SLIT2: variants seen among roughly 807,000 people sequenced by gnomAD.
The protein encoded by SLIT2 is slit homolog 2 protein.
Under a neutral mutation model 185.7 loss-of-function variants are expected in SLIT2, and 41 were observed. The ratio of observed to expected loss-of-function variants is 0.22; its 90% CI spans 0.17 to 0.29. SLIT2 has a LOEUF of 0.29. SLIT2 is among the 10% of genes least tolerant of loss of function. The probability of loss-of-function intolerance (pLI) is 1.00; values close to 1 mark genes in which losing one functional copy is unlikely to be tolerated. For synonymous variants in SLIT2, 693 were observed against 680.2 expected, an observed-to-expected ratio of 1.02 and a Z score of -0.29; for missense variants, 1,571 against 1,909.0, an observed-to-expected ratio of 0.82 and a Z score of 3.30.
intron 4 of SLIT2, among the ~76,000 whole-genome samples, chr4:20,292,942 C>T (rs894754763): frequency 2.6e-5 from 4 of 152,074 alleles, no homozygotes; most frequent in African/African-American, 7.2e-5. Context: ...CCCACAGGAC[C>T]GTAGAGCAAA....
chr4:20,283,467 A>G (rs2039519192), intron 4 of SLIT2, among the ~76,000 whole-genome samples: 1 of 152,220 alleles, frequency 6.6e-6, no homozygotes, highest in Non-Finnish European at 1.5e-5. Context: ...TTAGAAGACA[A>G]AATAACTTAG....
chr4:20,349,541 G>A (rs1447078141), intron 4 of SLIT2, among the ~76,000 whole-genome samples: 2 of 152,108 alleles, frequency 1.3e-5, no homozygotes, highest in African/African-American at 4.8e-5. Flanking sequence ...TGAGCTCCAC[G>A]TTTCCTGAAA....
At chr4:20,357,789 C>A (rs1722445427) in intron 4 of SLIT2, among the ~76,000 whole-genome samples, 1 of 152,074 alleles carries the variant, frequency 6.6e-6, no homozygotes, top group African/African-American at 2.4e-5. Flanking sequence ...CTTTCAAATT[C>A]CGATTTTCAG....
chr4:20,605,411 T>C (rs1019677294), intron 33 of SLIT2, among the ~76,000 whole-genome samples: 23 of 152,178 alleles, frequency 1.5e-4, no homozygotes, highest in African/African-American at 5.1e-4. Context: ...AGGAAATAGG[T>C]GAGCGTAGTA....
chr4:20,328,032 G>A (rs1281390887), intron 4 of SLIT2, among the ~76,000 whole-genome samples: 1 of 152,002 alleles, frequency 6.6e-6, no homozygotes, highest in African/African-American at 2.4e-5. Context: ...CAGGACTCCT[G>A]AGAATGCAGT....
At chr4:20,301,012 T>C (rs1330528988) in intron 4 of SLIT2, among the ~76,000 whole-genome samples, 1 of 152,112 alleles carries the variant, frequency 6.6e-6, no homozygotes, top group Admixed American at 6.6e-5. Context: ...TGCCTTATGC[T>C]AAAGACTTCA....
intron 4 of SLIT2, among the ~76,000 whole-genome samples, chr4:20,408,408 A>G (rs920144287): frequency 4.6e-5 from 7 of 152,016 alleles, no homozygotes; most frequent in Non-Finnish European, 1.0e-4. Context: ...TTTGAACCCT[A>G]GGATTTTGCA....
In SLIT2 at chr4:20,528,844, C is replaced by T; in HGVS notation, c.1463-105C>T. 1.0e-5 allele frequency: 9 copies of T among 859,672 alleles called. No individual in the cohort carries two copies. Among genetic ancestry groups the T allele is most frequent in the South Asian group, 4.7e-5 (2 of 42,918 alleles). The allele number at this position is 859,672 out of a possible 1,614,324, so 53.3% of individuals were successfully genotyped here. On this transcript the variant is annotated intron_variant, in intron 15 of 36. Coordinates refer to ENST00000504154, the MANE Select transcript of SLIT2 (RefSeq NM_004787.4). This position sits in a 1 kb window ranked among gnomAD's most constrained non-coding sequence, Gnocchi z 4.2. ...TTGACCAAAATACCCCAAGTTGTCT[C>T]CCTGCTACATAATCTATAGTTATCT...
chr4:20,507,155 C>T (rs1343064115), intron 9 of SLIT2, among the ~76,000 whole-genome samples: 2 of 151,802 alleles, frequency 1.3e-5, no homozygotes, highest in Admixed American at 6.6e-5. Context: ...AAATATAATG[C>T]CATTTTATCA....
intron 29 of SLIT2, among the ~76,000 whole-genome samples, chr4:20,575,654 T>C (rs769211977): frequency 7.9e-5 from 12 of 152,152 alleles, no homozygotes; most frequent in Non-Finnish European, 1.5e-4. Context: ...CACAATAGCT[T>C]ATTTCTCATT....
At chr4:20,613,660 G>A (rs1729417078) in intron 34 of SLIT2, among the ~76,000 whole-genome samples, 2 of 151,902 alleles carry the variant, frequency 1.3e-5, no homozygotes, top group Non-Finnish European at 2.9e-5. Context: ...CTGTTGGTGG[G>A]GAGTGTAACC....
intron 4 of SLIT2, among the ~76,000 whole-genome samples, chr4:20,381,523 C>G (rs1269673943): frequency 6.6e-6 from 1 of 152,096 alleles, no homozygotes; most frequent in Admixed American, 6.5e-5. Flanking sequence ...TTTTTCATGT[C>G]TTCTCTGTTC....
chr4:20,477,314 G>A (rs1376292584), intron 5 of SLIT2, among the ~76,000 whole-genome samples: 8 of 151,738 alleles, frequency 5.3e-5, no homozygotes, highest in Non-Finnish European at 8.8e-5. Context: ...CAATTATCCT[G>A]CCTCCTCCCA....
rs188470229 is a variant in SLIT2, at chr4:20,460,155, G to T, written c.396-7597G>T. Among the ~76,000 whole-genome samples, 11 of 151,974 alleles carry T rather than the reference G, an allele frequency of 7.2e-5. No homozygotes were observed. In the South Asian group the frequency reaches 1.2e-3, roughly 17 times the overall value. On this transcript the variant is annotated intron_variant, in intron 4 of 36. Transcript: ENST00000504154. ...TGAGATTACAGGCATGAGCCACTGC[G>T]CCTGGCCATAAATATTTTTTCTTTT...
intron 4 of SLIT2, among the ~76,000 whole-genome samples, chr4:20,321,902 G>A (rs562683222): frequency 9.9e-5 from 15 of 152,238 alleles, no homozygotes; most frequent in African/African-American, 1.9e-4. Context: ...CTTTGGGACC[G>A]GTAGTGTGAA....
At chr4:20,406,470 A>G (rs906555866) in intron 4 of SLIT2, among the ~76,000 whole-genome samples, 3 of 143,952 alleles carry the variant, frequency 2.1e-5, no homozygotes, top group African/African-American at 7.3e-5. Context: ...ATAACCCAAT[A>G]AAAACGAAAG....
intron 4 of SLIT2, among the ~76,000 whole-genome samples, chr4:20,319,029 A>G (rs898697773): frequency 6.6e-6 from 1 of 152,168 alleles, no homozygotes; most frequent in Non-Finnish European, 1.5e-5. Flanking sequence ...GTATGCCTTC[A>G]GGGCTGTGGA....
intron 4 of SLIT2, among the ~76,000 whole-genome samples, chr4:20,379,269 G>C (rs1019858302): frequency 1.1e-4 from 16 of 151,986 alleles, no homozygotes; most frequent in Non-Finnish European, 2.1e-4. Context: ...GGGGCAGGAG[G>C]TATATGAGAA....
intron 4 of SLIT2, among the ~76,000 whole-genome samples, chr4:20,298,449 A>T (rs1393586672): frequency 1.3e-5 from 2 of 152,140 alleles, no homozygotes; most frequent in Non-Finnish European, 2.9e-5. Context: ...GAAGGCACTA[A>T]TTTTGATATT....
Sources: gnomAD v4.1 joint callset for allele counts (sites outside exome capture counted in the v4.1 genomes callset) on GRCh38, gnomAD v4.1.1 for gene constraint, Gnocchi (gnomAD v3.1) non-coding constraint, MANE v1.5 for transcripts, NCBI Gene and HGNC (gene_info 2026-07-23, HGNC 2026-07-21) for gene names.